GDAP2: variants seen among roughly 807,000 people sequenced by gnomAD.
GDAP2 encodes the protein ganglioside-induced differentiation-associated protein 2.
In GDAP2, 51 loss-of-function variants were observed where a neutral mutation model predicts 67.0. The ratio of observed to expected loss-of-function variants is 0.76; its 90% CI spans 0.61 to 0.96. The LOEUF (loss-of-function observed/expected upper bound fraction) is 0.96. Ranked by LOEUF, GDAP2 falls within the 40% of genes least tolerant of loss-of-function variation. GDAP2 has a pLI of 0.00. For synonymous variants in GDAP2, 203 were observed against 207.3 expected, an observed-to-expected ratio of 0.98 and a Z score of 0.18; for missense variants, 547 against 588.3, an observed-to-expected ratio of 0.93 and a Z score of 0.73.
At chr1:117,876,619 AT>A (rs1351506047) in intron 13 of GDAP2, among the ~76,000 whole-genome samples, 1 of 152,214 alleles carries the variant, frequency 6.6e-6, no homozygotes, top group Non-Finnish European at 1.5e-5. Context: ...AGTCTACTTA[AT>A]TTTGATTAAT....
intron 3 of GDAP2, among the ~76,000 whole-genome samples, chr1:117,912,935 T>C (rs1003504169): frequency 6.6e-6 from 1 of 152,160 alleles, no homozygotes; most frequent in Non-Finnish European, 1.5e-5. Flanking sequence ...ATCAAAATTT[T>C]GGAAGGTAGA....
intron 6 of GDAP2, among the ~76,000 whole-genome samples, chr1:117,899,579 G>C (rs1220230402): frequency 2.0e-5 from 3 of 151,864 alleles, no homozygotes; most frequent in African/African-American, 7.3e-5. Flanking sequence ...GTGCCATCAG[G>C]GTCCGTTCAA....
intron 5 of GDAP2, among the ~76,000 whole-genome samples, chr1:117,908,753 A>G (rs1205522576): frequency 6.6e-6 from 1 of 152,008 alleles, no homozygotes; most frequent in African/African-American, 2.4e-5. Context: ...TGAGCCCAGG[A>G]GGTTGAGGCT....
At chr1:117,911,367 A>G in intron 5 of GDAP2, among the ~76,000 whole-genome samples, 1 of 152,230 alleles carries the variant, frequency 6.6e-6, no homozygotes, top group East Asian at 1.9e-4. Flanking sequence ...GGCTATTTAA[A>G]CTGCCAAGTG....
At chr1:117,925,074 A>T (rs116514474) in intron 1 of GDAP2, among the ~76,000 whole-genome samples, 122 of 152,334 alleles carry the variant, frequency 8.0e-4, no homozygotes, top group African/African-American at 2.9e-3. Context: ...TGTAAACTTG[A>T]ATGCCAACTT....
rs933247870 is a variant in GDAP2 at position 117,867,175 on chromosome 1, T to C, written c.*3394A>G. On this transcript the variant is annotated 3_prime_UTR_variant, in exon 14 of 14. Coordinates refer to ENST00000369443, the MANE Select transcript of GDAP2 (RefSeq NM_017686.4). The stretch of plus-strand genomic sequence containing the variant: ...TATAAAGACAAGACTAAACCTACAG[T>C]TTGAATTCATTAAACAATATCCAAG... The C allele has an allele frequency of 6.6e-6, 1 of 152,106 alleles. No individual in the cohort carries two copies. Among genetic ancestry groups the C allele is most frequent in the Non-Finnish European group, 1.5e-5 (1 of 68,026 alleles). 9.4% of individuals were successfully genotyped at this position (152,106 alleles called of 1,614,324 possible).
chr1:117,902,660 C>A (rs1649520423), intron 6 of GDAP2, among the ~76,000 whole-genome samples: 1 of 152,162 alleles, frequency 6.6e-6, no homozygotes, highest in Admixed American at 6.5e-5. Context: ...TTGATTACTA[C>A]AGCTTTGTAG....
At position 117,900,763 on chromosome 1, in the gene GDAP2, C is replaced by CA. The variant is rs552813673; in HGVS notation, c.637-1548dup. 4.5e-3 allele frequency among the ~76,000 whole-genome samples: 394 copies of CA among 87,514 alleles called. 1 individual carries two copies. Among genetic ancestry groups the CA allele is most frequent in the South Asian group, 0.013 (37 of 2,788 alleles). The allele number at this position is 87,514 out of a possible 152,430, so 57.4% of individuals were successfully genotyped here. A position where few individuals can be genotyped will look rare whatever the true frequency, so the allele number is the denominator to read the frequency against. On this transcript the variant is annotated intron_variant, in intron 6 of 13. Transcript: ENST00000369443. The stretch of plus-strand genomic sequence containing the variant: ...CTGGTGACAGAGTGAGACTCCATCT[C>CA]AAAAAAAAAAAAAAAGGCCGGGCAC...
chr1:117,929,026 C>T (rs1650575716), intron 1 of GDAP2, among the ~76,000 whole-genome samples: 1 of 152,142 alleles, frequency 6.6e-6, no homozygotes. Context: ...CTAGACAACG[C>T]ACCATCCTGG....
Position 117,866,298 on chromosome 1 carries a change from G to A in GDAP2, c.*4271C>T, listed in dbSNP as rs770662519. 6 of 152,078 alleles carry A rather than the reference G, an allele frequency of 3.9e-5. No individual in the cohort carries two copies. The highest frequency in any genetic ancestry group is 7.4e-5 in the Non-Finnish European group (5 of 68,008). The allele number at this position is 152,078 out of a possible 1,614,324, so 9.4% of individuals were successfully genotyped here. ...AGAATACAGCAAGAAGCCAGAAGAGGGCCCTCATCAGGAATTGCGCTGGAT... is the reference window on the plus strand; with the variant it reads ...AGAATACAGCAAGAAGCCAGAAGAGAGCCCTCATCAGGAATTGCGCTGGAT... On this transcript the variant is annotated 3_prime_UTR_variant, in exon 14 of 14. Coordinates refer to ENST00000369443, the MANE Select transcript of GDAP2 (RefSeq NM_017686.4).
At chr1:117,907,252 TC>T (rs1258357798) in intron 5 of GDAP2, among the ~76,000 whole-genome samples, 1 of 152,226 alleles carries the variant, frequency 6.6e-6, no homozygotes, top group Non-Finnish European at 1.5e-5. Flanking sequence ...AAAAATGTTG[TC>T]CCCCAGGGTT....
chr1:117,921,943 T>C (rs991966115), intron 1 of GDAP2, among the ~76,000 whole-genome samples: 7 of 152,128 alleles, frequency 4.6e-5, no homozygotes, highest in Admixed American at 4.6e-4. Context: ...GAACCAAAGA[T>C]AACTTCTGGA....
chr1:117,882,708 T>C (rs1187304368), intron 11 of GDAP2, among the ~76,000 whole-genome samples: 4 of 152,156 alleles, frequency 2.6e-5, no homozygotes, highest in Admixed American at 6.6e-5. Context: ...AAGGTGTCTA[T>C]TGGCTAATGA....
chr1:117,911,371 C>T (rs1361274818), intron 5 of GDAP2, among the ~76,000 whole-genome samples: 5 of 152,114 alleles, frequency 3.3e-5, no homozygotes, highest in Admixed American at 3.3e-4. Flanking sequence ...ATTTAAACTG[C>T]CAAGTGTTAT....
At chr1:117,884,986 C>T (rs1192709922) in intron 10 of GDAP2, among the ~76,000 whole-genome samples, 1 of 151,942 alleles carries the variant, frequency 6.6e-6, no homozygotes, top group Non-Finnish European at 1.5e-5. Flanking sequence ...GCTGGGACTA[C>T]AGGCATGTGC....
chr1:117,878,381 T>C (rs1318330526), intron 12 of GDAP2, among the ~76,000 whole-genome samples: 6 of 152,190 alleles, frequency 3.9e-5, no homozygotes, highest in Non-Finnish European at 8.8e-5. Flanking sequence ...AGAATGAGTT[T>C]TGTTTCATGA....
chr1:117,896,768 A>G, intron 8 of GDAP2, 65 bp downstream of exon 8: 1 of 1,091,276 alleles, frequency 9.2e-7, no homozygotes, highest in African/African-American at 1.6e-5. Context: ...CATGCATCAG[A>G]TGCAAGGTTC....
At chr1:117,904,127 C>T (rs1649577854) in intron 6 of GDAP2, among the ~76,000 whole-genome samples, 1 of 151,918 alleles carries the variant, frequency 6.6e-6, no homozygotes, top group Non-Finnish European at 1.5e-5. Flanking sequence ...GCTGGGATTA[C>T]AGGCACCCAT....
At position 117,901,243 on chromosome 1, in the gene GDAP2, AT is replaced by A. The variant is rs368366519; in HGVS notation, c.637-2028del. The stretch of plus-strand genomic sequence containing the variant: ...ATGCACGCACACATACACACACCAC[AT>A]TTTTTTTTAATCAATTTATCTGCTG... On this transcript the variant is annotated intron_variant, in intron 6 of 13. Transcript: ENST00000369443. 7.0e-3 allele frequency among the ~76,000 whole-genome samples: 1,046 copies of A among 150,280 alleles called. 9 individuals are homozygous for A. Among genetic ancestry groups the A allele is most frequent in the African/African-American group, 0.024 (969 of 40,942 alleles).
Sources: gnomAD v4.1 joint callset for allele counts (sites outside exome capture counted in the v4.1 genomes callset) on GRCh38, gnomAD v4.1.1 for gene constraint, MANE v1.5 for transcripts, NCBI Gene and HGNC (gene_info 2026-07-23, HGNC 2026-07-21) for gene names.